RYR3: variants seen among roughly 807,000 people sequenced by gnomAD.
RYR3 encodes the protein ryanodine receptor 3, also known as brain ryanodine receptor-calcium release channel.
RYR3 carries 207 observed loss-of-function variants against 584.3 expected under a neutral mutation model. The ratio of observed to expected loss-of-function variants is 0.35; its 90% CI spans 0.32 to 0.40. RYR3 has a LOEUF of 0.40. Among genes scored for constraint, RYR3 ranks in the 10% least tolerant of loss-of-function variants. The pLI is 1.00. For missense variants in RYR3, 5,616 were observed against 6,089.2 expected (o/e 0.92, Z 2.59); for synonymous variants, 2,416 against 2,248.5 (o/e 1.07, Z -2.11).
chr15:33,501,194 C>G (rs146949221), intron 2 of RYR3, among the ~76,000 whole-genome samples: 141 of 152,256 alleles, frequency 9.3e-4, no homozygotes, highest in Middle Eastern at 6.8e-3. Context: ...TGGGGACTTT[C>G]AATACCTGGA....
intron 1 of RYR3, among the ~76,000 whole-genome samples, chr15:33,374,755 A>T (rs2040601882): frequency 6.6e-6 from 1 of 152,170 alleles, no homozygotes; most frequent in Non-Finnish European, 1.5e-5. Flanking sequence ...ACGAACAGAA[A>T]TGTAATTGTG....
chr15:33,809,421 C>T (rs987834201), intron 70 of RYR3, among the ~76,000 whole-genome samples: 1 of 152,206 alleles, frequency 6.6e-6, no homozygotes, highest in African/African-American at 2.4e-5. Context: ...CCCAGTCCTG[C>T]AAGCACGTAC....
At chr15:33,439,491 CA>C (rs757149249) in intron 1 of RYR3, among the ~76,000 whole-genome samples, 81 of 152,152 alleles carry the variant, frequency 5.3e-4, no homozygotes, top group Non-Finnish European at 8.4e-4. Context: ...AATTTGCCAT[CA>C]TTTTTTTAAA....
chr15:33,333,962 A>G (rs1970666373), intron 1 of RYR3, among the ~76,000 whole-genome samples: 1 of 152,232 alleles, frequency 6.6e-6, no homozygotes, highest in Non-Finnish European at 1.5e-5. Context: ...ATACCTAGGA[A>G]TATAGCTAAC....
At chr15:33,572,347 C>T (rs1480405674) in intron 12 of RYR3, among the ~76,000 whole-genome samples, 3 of 151,984 alleles carry the variant, frequency 2.0e-5, no homozygotes, top group African/African-American at 4.8e-5. Flanking sequence ...GTATTTCTTA[C>T]AAGACAAGCC....
chr15:33,489,410 C>T (rs1008398852), intron 2 of RYR3, among the ~76,000 whole-genome samples: 7 of 152,178 alleles, frequency 4.6e-5, no homozygotes, highest in African/African-American at 1.7e-4. Flanking sequence ...TCTTTGTGCT[C>T]ATAAGCTCTC....
chr15:33,715,621 A>G (rs2067438441), intron 43 of RYR3, among the ~76,000 whole-genome samples: 1 of 152,192 alleles, frequency 6.6e-6, no homozygotes, highest in African/African-American at 2.4e-5. Context: ...TAAAGACAGA[A>G]ATTTATTTCT....
At chr15:33,420,032 A>T (rs1055779383) in intron 1 of RYR3, among the ~76,000 whole-genome samples, 1 of 152,228 alleles carries the variant, frequency 6.6e-6, no homozygotes, top group Non-Finnish European at 1.5e-5. Context: ...CACCAGCAGA[A>T]TTAAAAACTA....
chr15:33,861,173 C>A lies in RYR3; in HGVS notation c.14460C>A (p.Asn4820Lys). 6 of 1,583,880 alleles carry A rather than the reference C, an allele frequency of 3.8e-6. No individual in the cohort carries two copies. The highest frequency in any genetic ancestry group is 5.2e-6 in the Non-Finnish European group (6 of 1,163,038). ...THTLQEHNLA[N>K]YLFFLMYLIN... The stretch of plus-strand genomic sequence containing the variant: ...CATTACAAGAGCACAACTTAGCCAA[C>A]TACTTGTGAGTATTCTTGGTTAACA... The change falls in exon 102 of 104, where the codon AAC becomes AAA. Residue 4820 changes from asparagine (N) to lysine (K), a missense_variant. Asn to Lys is a moderately conservative substitution (Grantham distance 94). Transcript: ENST00000634891.
chr15:33,489,133 T>A (rs2050749016), intron 2 of RYR3, among the ~76,000 whole-genome samples: 2 of 152,214 alleles, frequency 1.3e-5, no homozygotes, highest in Admixed American at 1.3e-4. Flanking sequence ...GAGGAAATAT[T>A]TTATGAAGGA....
intron 14 of RYR3, 47 bp from the exon 15 acceptor site, chr15:33,584,348 T>G: frequency 9.6e-7 from 1 of 1,041,244 alleles, no homozygotes; most frequent in African/African-American, 1.6e-5. Flanking sequence ...CTCACGCCCA[T>G]CATTATATCC....
intron 1 of RYR3, among the ~76,000 whole-genome samples, chr15:33,365,945 G>C (rs1036644528): frequency 6.6e-6 from 1 of 152,044 alleles, no homozygotes; most frequent in African/African-American, 2.4e-5. Flanking sequence ...TATTGGACTA[G>C]AAGATTAGTG....
chr15:33,495,648 C>T (rs1438307533), intron 2 of RYR3, among the ~76,000 whole-genome samples: 1 of 152,102 alleles, frequency 6.6e-6, no homozygotes, highest in East Asian at 1.9e-4. Context: ...ATTGACTCAC[C>T]TCTAATATGG....
chr15:33,720,291 C>T (rs2067814881), intron 43 of RYR3, among the ~76,000 whole-genome samples: 1 of 152,172 alleles, frequency 6.6e-6, no homozygotes, highest in Non-Finnish European at 1.5e-5. Context: ...GGCTGTGAGA[C>T]ACATTCGGTA....
chr15:33,704,123 A>C, intron 42 of RYR3, among the ~76,000 whole-genome samples: 1 of 152,012 alleles, frequency 6.6e-6, no homozygotes, highest in East Asian at 1.9e-4. Flanking sequence ...GAAATACAAA[A>C]GTTAGCCAGG....
At chr15:33,314,024 G>A (rs1302163782) in intron 1 of RYR3, among the ~76,000 whole-genome samples, 2 of 152,174 alleles carry the variant, frequency 1.3e-5, no homozygotes, top group Non-Finnish European at 2.9e-5. Flanking sequence ...GTTTATTTTG[G>A]TTATGTCCTC....
At position 33,844,976 on chromosome 15, in the gene RYR3, G is replaced by A. The variant is rs1352769902; in HGVS notation, c.13411G>A (p.Gly4471Arg). 3.1e-6 allele frequency: 5 copies of A among 1,613,992 alleles called. No individual in the cohort carries two copies. The highest frequency in any genetic ancestry group is 4.2e-6 in the Non-Finnish European group (5 of 1,179,872). The change falls in exon 93 of 104, where the codon GGG becomes AGG. Residue 4471 changes from glycine (G) to arginine (R), a missense_variant. Gly to Arg is a moderately radical substitution (Grantham distance 125). Around this residue, in one of 9 missense-constraint regions of RYR3, gnomAD observed 918 missense variants for 887.4 expected, o/e 1.03. Coordinates refer to ENST00000634891, the MANE Select transcript of RYR3 (RefSeq NM_001036.6). ...MVFFVLQEST[G>R]YMAPTLRALA... ...ATTCTTTGTCCTTCAGGAGAGCACCGGGTATATGGCACCAACCCTGCGTGC... is the reference window on the plus strand; with the variant it reads ...ATTCTTTGTCCTTCAGGAGAGCACCAGGTATATGGCACCAACCCTGCGTGC...
chr15:33,472,496 T>C (rs1255297663), intron 1 of RYR3, among the ~76,000 whole-genome samples: 1 of 152,094 alleles, frequency 6.6e-6, no homozygotes, highest in Non-Finnish European at 1.5e-5. Context: ...TCCAGCTGGC[T>C]CCCCCAGGTC....
At chr15:33,640,596 C>T (rs896056267) in intron 27 of RYR3, among the ~76,000 whole-genome samples, 8 of 152,170 alleles carry the variant, frequency 5.3e-5, no homozygotes, top group African/African-American at 1.9e-4. Flanking sequence ...GACTTCTTTG[C>T]AATCTCCTGG....
Sources: allele counts gnomAD v4.1 joint callset (sites outside exome capture counted in the v4.1 genomes callset), GRCh38; gene constraint gnomAD v4.1.1; regional missense constraint gnomAD v4.1.1; transcripts MANE v1.5; gene names NCBI Gene and HGNC (gene_info 2026-07-23, HGNC 2026-07-21).